Variants in SYN3 observed in about 807,000 individuals in gnomAD.
SYN3 encodes the protein synapsin-3.
In SYN3, 35 loss-of-function variants were observed where a neutral mutation model predicts 65.8. That is an observed-to-expected ratio of 0.53 (90% confidence interval 0.41 to 0.70). The LOEUF is 0.70. SYN3 is among the 30% of genes least tolerant of loss of function. SYN3 has a pLI of 0.00. For missense variants in SYN3, 680 were observed against 749.0 expected, an observed-to-expected ratio of 0.91 and a Z score of 1.08; for synonymous variants, 270 against 292.9, an observed-to-expected ratio of 0.92 and a Z score of 0.80.
At chr22:32,943,052 C>T (rs1369351487) in intron 3 of SYN3, among the ~76,000 whole-genome samples, 5 of 152,186 alleles carry the variant, frequency 3.3e-5, no homozygotes, top group Non-Finnish European at 4.4e-5. Flanking sequence ...ACTTCCCAAA[C>T]CTAGCAAGGC....
Position 32,541,672 on chromosome 22 carries a change from G to A in SYN3, c.816C>T (p.Ser272=), listed in dbSNP as rs189882761. Residue 272 remains serine, a synonymous_variant, in exon 8 of 14, where the codon AGC becomes AGT. Coordinates refer to ENST00000358763, the MANE Select transcript of SYN3 (RefSeq NM_003490.4). ...CGTAGGTTTTGGCCATGGCGACCAC[G>A]CTGGTGATGTCCTGGAAGTCAAGCT... is the stretch of plus-strand genomic sequence containing the variant. ...ENQLDFQDIT[S]VVAMAKTYAT... The A allele has an allele frequency of 1.4e-4, 220 of 1,614,094 alleles. No individual in the cohort carries two copies. Among genetic ancestry groups the A allele is most frequent in the Non-Finnish European group, 1.7e-4 (198 of 1,180,022 alleles).
intron 6 of SYN3, among the ~76,000 whole-genome samples, chr22:32,761,464 T>C (rs1434756352): frequency 6.6e-6 from 1 of 152,164 alleles, no homozygotes; most frequent in Non-Finnish European, 1.5e-5. Context: ...CTCCTAGCCC[T>C]TCACTGACCC....
intron 7 of SYN3, among the ~76,000 whole-genome samples, chr22:32,578,196 T>C (rs1601678750): frequency 6.8e-6 from 1 of 146,992 alleles, no homozygotes; most frequent in African/African-American, 2.5e-5. Flanking sequence ...CTTTCTTTCT[T>C]TCTCTCTCTT....
At chr22:32,695,273 A>G (rs2060720100) in intron 6 of SYN3, among the ~76,000 whole-genome samples, 1 of 152,092 alleles carries the variant, frequency 6.6e-6, no homozygotes, top group Admixed American at 6.6e-5. Flanking sequence ...TACTGACTCT[A>G]TTATCAACTG....
chr22:32,874,963 T>A (rs1413370405), intron 4 of SYN3, among the ~76,000 whole-genome samples: 2 of 152,200 alleles, frequency 1.3e-5, no homozygotes, highest in South Asian at 4.1e-4. Flanking sequence ...ACAAGCTCCA[T>A]GCTCCTGCAG....
intron 6 of SYN3, among the ~76,000 whole-genome samples, chr22:32,770,402 C>A (rs1602105612): frequency 6.6e-6 from 1 of 152,156 alleles, no homozygotes. Flanking sequence ...TTACCATGAG[C>A]CACAGGGCCT....
At chr22:32,950,724 G>A (rs571101167) in intron 3 of SYN3, among the ~76,000 whole-genome samples, 1 of 152,308 alleles carries the variant, frequency 6.6e-6, no homozygotes, top group African/African-American at 2.4e-5. Context: ...GCACTGCTTA[G>A]TTCTAAAGCC....
chr22:32,632,343 C>T (rs941251641), intron 6 of SYN3, among the ~76,000 whole-genome samples: 3 of 152,130 alleles, frequency 2.0e-5, no homozygotes, highest in Admixed American at 6.5e-5. Flanking sequence ...CTTGCCTGGG[C>T]GTTTAGAATC....
intron 6 of SYN3, among the ~76,000 whole-genome samples, chr22:32,641,341 G>A (rs926696768): frequency 1.3e-5 from 2 of 152,168 alleles, no homozygotes; most frequent in Non-Finnish European, 2.9e-5. Context: ...GGGCGCGGTG[G>A]TTCATGCCTG....
At chr22:32,622,322 C>T (rs147911967) in intron 6 of SYN3, among the ~76,000 whole-genome samples, 74 of 152,234 alleles carry the variant, frequency 4.9e-4, no homozygotes, top group African/African-American at 1.7e-3. Context: ...AATCCCCGTT[C>T]CCACCTCTAT....
rs372499759 is a variant in SYN3 at position 32,925,438 on chromosome 22, T to C, written c.461+5952A>G. Among the ~76,000 whole-genome samples, 3 of 152,338 alleles carry C rather than the reference T, an allele frequency of 2.0e-5. No homozygotes were observed. The East Asian group carries it at 5.8e-4, about 29-fold the overall frequency. On this transcript the variant is annotated intron_variant, in intron 4 of 13. Coordinates refer to ENST00000358763, the MANE Select transcript of SYN3 (RefSeq NM_003490.4). ...ATAATTCATCTCATAACAACTGCCT[T>C]CAAAGTCTGCCATTCCTGAATGCTG...
At chr22:32,998,493 G>T (rs1284006810) in intron 2 of SYN3, among the ~76,000 whole-genome samples, 1 of 152,146 alleles carries the variant, frequency 6.6e-6, no homozygotes. Context: ...TGGAAGAGCA[G>T]ATTTTCTGAG....
intron 1 of SYN3, among the ~76,000 whole-genome samples, chr22:33,017,918 A>G (rs896790307): frequency 6.6e-6 from 1 of 152,204 alleles, no homozygotes; most frequent in Admixed American, 6.5e-5. Flanking sequence ...GGTAGGAAAA[A>G]GCAAGGCACA....
intron 3 of SYN3, among the ~76,000 whole-genome samples, chr22:32,976,999 G>GA (rs1197957921): frequency 1.3e-5 from 2 of 151,994 alleles, no homozygotes; most frequent in South Asian, 2.1e-4. Context: ...ATTCCTGGGG[G>GA]GGGGGTTGCT....
chr22:32,716,097 T>C (rs2061035686), intron 6 of SYN3, among the ~76,000 whole-genome samples: 1 of 152,144 alleles, frequency 6.6e-6, no homozygotes. Flanking sequence ...CACACAAAGA[T>C]GTGGATGGGA....
chr22:32,970,252 C>T (rs1241605072), intron 3 of SYN3, among the ~76,000 whole-genome samples: 1 of 152,066 alleles, frequency 6.6e-6, no homozygotes, highest in Non-Finnish European at 1.5e-5. Flanking sequence ...GTTAAATTAC[C>T]ACCTCAAGGT....
intron 1 of SYN3, among the ~76,000 whole-genome samples, chr22:33,039,267 T>C (rs931379935): frequency 6.6e-6 from 1 of 152,194 alleles, no homozygotes; most frequent in African/African-American, 2.4e-5. Flanking sequence ...AACCCTAAAG[T>C]CCATGCTCAA....
At chr22:32,802,235 C>G in intron 6 of SYN3, 5 of 1,430,734 alleles carry the variant, frequency 3.5e-6, no homozygotes, top group South Asian at 1.3e-5. Flanking sequence ...GAGGGGCAGA[C>G]GGGGTTGGGG....
chr22:32,714,303 G>A (rs2061006850), intron 6 of SYN3, among the ~76,000 whole-genome samples: 1 of 152,332 alleles, frequency 6.6e-6, no homozygotes. Context: ...ACTGTGGTCA[G>A]GTCACTTCCA....
Sources: gnomAD v4.1 joint callset for allele counts (sites outside exome capture counted in the v4.1 genomes callset) on GRCh38, gnomAD v4.1.1 for gene constraint, MANE v1.5 for transcripts, NCBI Gene and HGNC (gene_info 2026-07-23, HGNC 2026-07-21) for gene names.